Variants in MYO7B observed in about 807,000 individuals in gnomAD.
MYO7B encodes unconventional myosin-VIIb.
Under a neutral mutation model 259.7 loss-of-function variants are expected in MYO7B, and 212 were observed. The ratio of observed to expected loss-of-function variants is 0.82; its 90% CI spans 0.73 to 0.91. The LOEUF (loss-of-function observed/expected upper bound fraction) is 0.91. Among genes scored for constraint, MYO7B ranks in the 40% least tolerant of loss-of-function variants. MYO7B has a pLI of 0.00. For missense variants in MYO7B, 2,732 were observed against 2,813.5 expected, an observed-to-expected ratio of 0.97 and a Z score of 0.66; for synonymous variants, 1,197 against 1,166.4, an observed-to-expected ratio of 1.03 and a Z score of -0.54.
chr2:127,629,879 G>A, intron 35 of MYO7B, 53 bp downstream of exon 35: 1 of 1,506,814 alleles, frequency 6.6e-7, no homozygotes. Context: ...TCAGGGTGGA[G>A]CAGTCCTGGG....
At chr2:127,632,113 G>A in intron 38 of MYO7B, 133 bp from the exon 39 acceptor site, 3 of 1,084,330 alleles carry the variant, frequency 2.8e-6, no homozygotes, top group East Asian at 2.6e-5. Context: ...GCATGGTGCA[G>A]CCTGGCAGGT....
chr2:127,609,474 T>G lies in MYO7B; in HGVS notation c.2815-32T>G, dbSNP rs767205633. On this transcript the variant is annotated intron_variant, in intron 22 of 47. Coordinates refer to ENST00000409816, the MANE Select transcript of MYO7B (RefSeq NM_001393586.1). The surrounding 1 kb of genome is among the most constrained non-coding windows in gnomAD (Gnocchi z 6.9). ...TGGGTTGGTTGTTACCTGAAAGCCC[T>G]GCTGACCCGTGTTCTCCCTCAATGG... is the stretch of plus-strand genomic sequence containing the variant. The G allele has an allele frequency of 1.3e-6, 2 of 1,584,442 alleles. No individual in the cohort carries two copies. Among genetic ancestry groups the G allele is most frequent in the African/African-American group, 2.7e-5 (2 of 74,210 alleles).
intron 5 of MYO7B, among the ~76,000 whole-genome samples, chr2:127,568,587 T>A (rs1175564860): frequency 1.3e-5 from 2 of 152,130 alleles, no homozygotes; most frequent in Admixed American, 1.3e-4. Context: ...GGTATTTTGA[T>A]CATAACTTTT....
chr2:127,544,241 T>C (rs1693127299), intron 1 of MYO7B, among the ~76,000 whole-genome samples: 1 of 152,132 alleles, frequency 6.6e-6, no homozygotes, highest in Non-Finnish European at 1.5e-5. Flanking sequence ...CATGTCCAAC[T>C]AATATCTCCT....
At chr2:127,633,093 G>A (rs1246257685) in intron 39 of MYO7B, among the ~76,000 whole-genome samples, 165 bp from the exon 40 acceptor site, 1 of 152,206 alleles carries the variant, frequency 6.6e-6, no homozygotes, top group Non-Finnish European at 1.5e-5. Context: ...GCCGCGTGGA[G>A]CCAGGGGCAG....
chr2:127,621,836 T>C, intron 27 of MYO7B, 146 bp from the exon 28 acceptor site: 1 of 1,215,456 alleles, frequency 8.2e-7, no homozygotes, highest in Admixed American at 2.0e-5. Flanking sequence ...AACACACTGA[T>C]CCATGTTCCT....
In MYO7B at chr2:127,546,456, C is replaced by T. The variant is rs905718308; in HGVS notation, c.-24+10625C>T. 4.6e-5 allele frequency among the ~76,000 whole-genome samples: 7 copies of T among 152,224 alleles called. No homozygotes were observed. Among genetic ancestry groups the T allele is most frequent in the Non-Finnish European group, 8.8e-5 (6 of 68,038 alleles). The stretch of plus-strand genomic sequence containing the variant: ...GCCTTTCAGCATATTCTTACCCACT[C>T]TACCCATACTCCAGTTCAGTGGCAC... On this transcript the variant is annotated intron_variant, in intron 1 of 47. Coordinates refer to ENST00000409816, the MANE Select transcript of MYO7B (RefSeq NM_001393586.1). This position sits in a 1 kb window ranked among gnomAD's most constrained non-coding sequence, Gnocchi z 4.2.
intron 1 of MYO7B, among the ~76,000 whole-genome samples, chr2:127,537,743 A>T (rs4507043): frequency 2.2e-4 from 33 of 151,992 alleles, no homozygotes; most frequent in Non-Finnish European, 3.8e-4. Flanking sequence ...AGGAGAAGGA[A>T]GGATTTGACC....
intron 1 of MYO7B, among the ~76,000 whole-genome samples, chr2:127,544,507 C>G (rs1693136402): frequency 6.6e-6 from 1 of 151,002 alleles, no homozygotes; most frequent in East Asian, 1.9e-4. Context: ...CTCCCAGGTT[C>G]AAGTGATTCT....
Position 127,576,166 on chromosome 2 carries a change from T to C in MYO7B, c.736-429T>C, listed in dbSNP as rs2104913833. The stretch of plus-strand genomic sequence containing the variant: ...GTGGGCTGAGATTGCACCACTGCAC[T>C]CTAGCTTGGGTGACAGAGCAAGACC... On this transcript the variant is annotated intron_variant, in intron 7 of 47. Transcript: ENST00000409816. This position sits in a 1 kb window ranked among gnomAD's most constrained non-coding sequence, Gnocchi z 4.9. Among the ~76,000 whole-genome samples the C allele has an allele frequency of 6.6e-6, 1 of 151,660 alleles. No individual in the cohort carries two copies. The highest frequency in any genetic ancestry group is 2.1e-4 in the South Asian group (1 of 4,782).
In MYO7B at chr2:127,586,068, AG is replaced by A. The variant is rs1679293976; in HGVS notation, c.1690+1156del. ...GAGGCCCAAAAAGCTTTCATTTTGA[AG>A]AAGTCCAACTTATCTATTTTCCTTT... On this transcript the variant is annotated intron_variant, in intron 14 of 47. Transcript: ENST00000409816. The surrounding 1 kb of genome is among the most constrained non-coding windows in gnomAD (Gnocchi z 4.8). Among the ~76,000 whole-genome samples, 1 of 152,230 alleles carries A rather than the reference AG, an allele frequency of 6.6e-6. No individual in the cohort carries two copies. Among genetic ancestry groups the A allele is most frequent in the Non-Finnish European group, 1.5e-5 (1 of 68,046 alleles).
rs370073682 is a variant in MYO7B at position 127,608,729 on chromosome 2, G to C, written c.2665G>C (p.Glu889Gln). The part of the protein sequence containing the change: ...KANAPLVIPA[E>Q]GQKSQGALPA... Reference sequence around the variant, plus strand: ...GCAGGCGCCGCTGGTCATCCCGGCCGAGGGGCAGAAAAGCCAAGGCGCTCT... The same window carrying C: ...GCAGGCGCCGCTGGTCATCCCGGCCCAGGGGCAGAAAAGCCAAGGCGCTCT... Residue 889 changes from glutamate to glutamine, a missense_variant, in exon 22 of 48, where the codon GAG becomes CAG. By Grantham distance (29) the Glu-to-Gln change is conservative (BLOSUM62 2). Transcript: ENST00000409816. 10 of 1,612,520 alleles carry C rather than the reference G, an allele frequency of 6.2e-6. No homozygotes were observed. Among genetic ancestry groups the C allele is most frequent in the Middle Eastern group, 1.7e-4 (1 of 6,050 alleles).
At chr2:127,632,835 G>A (rs1681593589) in intron 39 of MYO7B, among the ~76,000 whole-genome samples, 1 of 152,216 alleles carries the variant, frequency 6.6e-6, no homozygotes, top group African/African-American at 2.4e-5. Flanking sequence ...GGCCTCCTGT[G>A]GCCGTGAGGA....
At chr2:127,603,715 G>T (rs1179410056) in intron 19 of MYO7B, among the ~76,000 whole-genome samples, 1 of 152,220 alleles carries the variant, frequency 6.6e-6, no homozygotes, top group Non-Finnish European at 1.5e-5. Context: ...TTCATAAGCT[G>T]CTAATAAGAG....
chr2:127,580,646 C>G, intron 9 of MYO7B, 100 bp from the exon 10 acceptor site: 1 of 1,177,542 alleles, frequency 8.5e-7, no homozygotes. Context: ...AGCTGTCCTC[C>G]TGAGTGGATC....
intron 6 of MYO7B, among the ~76,000 whole-genome samples, chr2:127,570,665 C>T (rs1387689827): frequency 6.6e-6 from 1 of 152,202 alleles, no homozygotes; most frequent in African/African-American, 2.4e-5. Flanking sequence ...TTGACAAACT[C>T]ATACAGGCCT....
At chr2:127,620,550 C>T in intron 27 of MYO7B, 84 bp downstream of exon 27, 1 of 1,379,636 alleles carries the variant, frequency 7.2e-7, no homozygotes, top group Non-Finnish European at 9.6e-7. Context: ...AGCAGGTCCA[C>T]AGATTCCAGT....
intron 19 of MYO7B, among the ~76,000 whole-genome samples, chr2:127,598,817 A>G (rs1276389768): frequency 6.6e-6 from 1 of 152,156 alleles, no homozygotes; most frequent in African/African-American, 2.4e-5. Flanking sequence ...CCCCAGTATT[A>G]TTCATAAAAA....
rs932679470 is a variant in MYO7B at position 127,597,235 on chromosome 2, C to T, written c.2339+679C>T. Among the ~76,000 whole-genome samples, 2 of 152,250 alleles carry T rather than the reference C, an allele frequency of 1.3e-5. No homozygotes were observed. The highest frequency in any genetic ancestry group is 2.4e-5 in the African/African-American group (1 of 41,464). On this transcript the variant is annotated intron_variant, in intron 19 of 47. Coordinates refer to ENST00000409816, the MANE Select transcript of MYO7B (RefSeq NM_001393586.1). This position sits in a 1 kb window ranked among gnomAD's most constrained non-coding sequence, Gnocchi z 4.8. ...GGCCGCATCTGACCAAACAGGCCCA[C>T]GTGGTCAGAGGCGAGGCAGGCTGGC...
Sources: gnomAD v4.1 joint callset for allele counts (sites outside exome capture counted in the v4.1 genomes callset) on GRCh38, gnomAD v4.1.1 for gene constraint, Gnocchi (gnomAD v3.1) non-coding constraint, MANE v1.5 for transcripts, NCBI Gene and HGNC (gene_info 2026-07-23, HGNC 2026-07-21) for gene names.